CCDC18: variants seen among roughly 807,000 people sequenced by gnomAD.
CCDC18 encodes the protein coiled-coil domain-containing protein 18.
In CCDC18, 157 loss-of-function variants were observed where a neutral mutation model predicts 196.0. That is an observed-to-expected ratio of 0.80 (90% CI 0.70 to 0.91). The LOEUF is 0.91. Among genes scored for constraint, CCDC18 ranks in the 40% least tolerant of loss-of-function variants. The pLI is 0.00. For missense variants in CCDC18, 1,465 were observed against 1,611.6 expected, an observed-to-expected ratio of 0.91 and a Z score of 1.56; for synonymous variants, 482 against 529.2, an observed-to-expected ratio of 0.91 and a Z score of 1.22.
chr1:93,226,524 AATATAT>A (rs35929850), intron 17 of CCDC18, 75 bp downstream of exon 17: 211 of 382,616 alleles, frequency 5.5e-4, no homozygotes, highest in African/African-American at 2.7e-3. Flanking sequence ...TGTAGGACAA[AATATAT>A]ATATATATAT....
chr1:93,247,890 T>C (rs1231305265), intron 23 of CCDC18, among the ~76,000 whole-genome samples: 7 of 152,098 alleles, frequency 4.6e-5, no homozygotes, highest in Admixed American at 2.6e-4. Flanking sequence ...ATAATAGTGG[T>C]GAAAGTGGGC....
chr1:93,267,836 A>T (rs1664725505), intron 27 of CCDC18, among the ~76,000 whole-genome samples: 1 of 152,230 alleles, frequency 6.6e-6, no homozygotes, highest in Non-Finnish European at 1.5e-5. Flanking sequence ...AGGAAGAATC[A>T]ATATAATGAA....
chr1:93,239,382 A>G lies in CCDC18; in HGVS notation c.2676A>G (p.Lys892=). The G allele has an allele frequency of 6.2e-7, 1 of 1,613,486 alleles. No individual in the cohort carries two copies. ...TGGAAAAGGAAATAATGCACCTAAA[A>G]CGAGATGGAGAAAATAAAGCAATGC... ...SKMEKEIMHL[K]RDGENKAMHL... The change falls in exon 20 of 29, where the codon AAA becomes AAG. Residue 892 remains lysine, a synonymous_variant. Coordinates refer to ENST00000690025, the MANE Select transcript of CCDC18 (RefSeq NM_001378204.1).
At chr1:93,180,619 C>T (rs564447448), upstream of CCDC18, 8 of 1,342,970 alleles carry the variant, frequency 6.0e-6, no homozygotes, top group Middle Eastern at 4.2e-4. Context: ...GGCGCGCTCG[C>T]CGACCACGAT....
At chr1:93,192,740 CA>C (rs1489439231) in intron 5 of CCDC18, among the ~76,000 whole-genome samples, 2 of 152,202 alleles carry the variant, frequency 1.3e-5, no homozygotes, top group Non-Finnish European at 1.5e-5. Flanking sequence ...GCCTTGCCAT[CA>C]GGCACTTTAT....
intron 23 of CCDC18, among the ~76,000 whole-genome samples, chr1:93,253,623 G>A (rs1157389474): frequency 6.6e-6 from 1 of 152,194 alleles, no homozygotes; most frequent in Non-Finnish European, 1.5e-5. Flanking sequence ...AGGGGAGTTG[G>A]AGCAGAGTCA....
At chr1:93,222,382 A>C (rs150265690) in intron 16 of CCDC18, among the ~76,000 whole-genome samples, 28 of 152,272 alleles carry the variant, frequency 1.8e-4, no homozygotes, top group Non-Finnish European at 3.7e-4. Flanking sequence ...AATTGTTTTA[A>C]ATTTTAGCTA....
intron 11 of CCDC18, 112 bp downstream of exon 11, chr1:93,212,373 G>A: frequency 1.7e-6 from 1 of 588,158 alleles, no homozygotes; most frequent in Non-Finnish European, 2.7e-6. Context: ...AGGGATACAT[G>A]TGCAGATTTG....
intron 23 of CCDC18, among the ~76,000 whole-genome samples, chr1:93,251,240 C>T (rs1662208391): frequency 6.6e-6 from 1 of 152,248 alleles, no homozygotes; most frequent in African/African-American, 2.4e-5. Flanking sequence ...ATACTTTAAT[C>T]TCCTTCTCCT....
chr1:93,268,529 A>G (rs977082665), intron 27 of CCDC18, among the ~76,000 whole-genome samples: 21 of 152,072 alleles, frequency 1.4e-4, no homozygotes, highest in Non-Finnish European at 3.1e-4. Flanking sequence ...CAATCTACTC[A>G]TCTGACAAAG....
At chr1:93,180,372 G>A (rs1177132695), upstream of CCDC18, 8 of 1,308,202 alleles carry the variant, frequency 6.1e-6, no homozygotes, top group African/African-American at 1.5e-5. Context: ...GGCGGCCGCG[G>A]CGGCGGCGAA....
chr1:93,186,600 G>A, intron 4 of CCDC18, 97 bp downstream of exon 4: 3 of 907,648 alleles, frequency 3.3e-6, no homozygotes, highest in Non-Finnish European at 5.0e-6. Flanking sequence ...TTGCCTTAAT[G>A]TGTTATGGGA....
chr1:93,224,438 T>G (rs1003440608), intron 16 of CCDC18, among the ~76,000 whole-genome samples: 3 of 152,192 alleles, frequency 2.0e-5, no homozygotes, highest in African/African-American at 7.2e-5. Context: ...ATTTCCCCAA[T>G]TACTTAAAAT....
At chr1:93,225,471 G>A (rs1362193500) in intron 16 of CCDC18, among the ~76,000 whole-genome samples, 4 of 151,984 alleles carry the variant, frequency 2.6e-5, no homozygotes, top group Admixed American at 2.6e-4. Context: ...AGTAACTTCA[G>A]CATTTCAAAA....
intron 4 of CCDC18, 102 bp downstream of exon 4, chr1:93,186,605 A>G (rs900827427): frequency 2.4e-6 from 2 of 828,418 alleles, no homozygotes; most frequent in Non-Finnish European, 3.7e-6. Flanking sequence ...TTAATGTGTT[A>G]TGGGAAGTAA....
intron 3 of CCDC18, among the ~76,000 whole-genome samples, chr1:93,185,515 GA>G (rs1650501726): frequency 6.6e-6 from 1 of 151,698 alleles, no homozygotes; most frequent in Admixed American, 6.6e-5. Context: ...CAGTTGAGAA[GA>G]AAAAAGGAGT....
At chr1:93,226,130 C>T (rs1658247454) in intron 16 of CCDC18, among the ~76,000 whole-genome samples, 1 of 152,000 alleles carries the variant, frequency 6.6e-6, no homozygotes, top group Non-Finnish European at 1.5e-5. Context: ...GGATTCCATA[C>T]CTTGGTTTTC....
At chr1:93,212,329 A>G in intron 11 of CCDC18, 68 bp downstream of exon 11, 1 of 1,107,438 alleles carries the variant, frequency 9.0e-7, no homozygotes, top group Non-Finnish European at 1.2e-6. Context: ...TTTTAAAAAA[A>G]CTTTTATTTA....
At chr1:93,232,345 AAGG>A (rs1659359656) in intron 17 of CCDC18, 78 bp from the exon 18 acceptor site, 1 of 806,922 alleles carries the variant, frequency 1.2e-6, no homozygotes, top group Non-Finnish European at 2.0e-6. Context: ...GTTATCTAAT[AAGG>A]AGGACAGCTT....
Sources: gnomAD v4.1 joint callset for allele counts (sites outside exome capture counted in the v4.1 genomes callset) on GRCh38, gnomAD v4.1.1 for gene constraint, MANE v1.5 for transcripts, NCBI Gene and HGNC (gene_info 2026-07-23, HGNC 2026-07-21) for gene names.